Variants in CLVS1 observed in about 807,000 individuals in gnomAD.
CLVS1 encodes the protein clavesin-1.
CLVS1 carries 10 observed loss-of-function variants against 33.1 expected under a neutral mutation model. The observed-to-expected ratio is 0.30, with a 90% CI of 0.19 to 0.51. CLVS1 has a LOEUF of 0.51. CLVS1 is among the 20% of genes least tolerant of loss of function. CLVS1 has a pLI of 0.97. For missense variants in CLVS1, 343 were observed against 433.4 expected (o/e 0.79, Z 1.85); for synonymous variants, 163 against 166.1 (o/e 0.98, Z 0.14).
the CLVS1 span, among the ~76,000 whole-genome samples, chr8:61,040,346 T>C: frequency 6.6e-6 from 1 of 152,250 alleles, no homozygotes; most frequent in African/African-American, 2.4e-5. Flanking sequence ...TTTGGGCATA[T>C]ACCCAGTAAT....
intron 3 of CLVS1, among the ~76,000 whole-genome samples, chr8:61,401,638 C>A (rs1585918761): frequency 6.6e-6 from 1 of 152,132 alleles, no homozygotes; most frequent in Non-Finnish European, 1.5e-5. Context: ...CTGCCCAAGG[C>A]AATTTATAGA....
chr8:61,216,463 A>G (rs1371563181), intron 2 of CLVS1, among the ~76,000 whole-genome samples: 2 of 152,192 alleles, frequency 1.3e-5, no homozygotes, highest in Non-Finnish European at 2.9e-5. Flanking sequence ...TTCCTCAGAA[A>G]GATGAAGATG....
chr8:61,050,531 C>T, the CLVS1 span, among the ~76,000 whole-genome samples: 1 of 152,232 alleles, frequency 6.6e-6, no homozygotes, highest in African/African-American at 2.4e-5. Context: ...GGAAGAAAGC[C>T]CTGGCTCTTG....
intron 2 of CLVS1, among the ~76,000 whole-genome samples, chr8:61,247,645 T>G (rs930853728): frequency 3.3e-5 from 5 of 152,214 alleles, no homozygotes; most frequent in Non-Finnish European, 7.3e-5. Flanking sequence ...TTAATAGGGT[T>G]GTTTTCTCTT....
At chr8:61,491,898 T>C (rs1804100851) in intron 5 of CLVS1, among the ~76,000 whole-genome samples, 1 of 152,210 alleles carries the variant, frequency 6.6e-6, no homozygotes, top group Non-Finnish European at 1.5e-5. Flanking sequence ...AAAGTTTCTT[T>C]CCAGTTAGAA....
intron 2 of CLVS1, among the ~76,000 whole-genome samples, chr8:61,257,613 T>C (rs571159592): frequency 6.6e-6 from 1 of 152,248 alleles, no homozygotes; most frequent in East Asian, 1.9e-4. Flanking sequence ...TACAGTGGGC[T>C]TACTGAGTAT....
intron 1 of CLVS1, among the ~76,000 whole-genome samples, chr8:61,129,766 G>A (rs1806053355): frequency 6.6e-6 from 1 of 152,098 alleles, no homozygotes; most frequent in South Asian, 2.1e-4. Flanking sequence ...CCTTTTAATG[G>A]CCCCATCTCT....
At chr8:61,115,108 A>T (rs1487308170) in intron 1 of CLVS1, among the ~76,000 whole-genome samples, 1 of 152,206 alleles carries the variant, frequency 6.6e-6, no homozygotes, top group Non-Finnish European at 1.5e-5. Context: ...ATAGTGTTCA[A>T]GGGCAAAAAT....
chr8:61,159,696 G>T (rs746027539), intron 2 of CLVS1, among the ~76,000 whole-genome samples: 6 of 152,192 alleles, frequency 3.9e-5, no homozygotes, highest in Non-Finnish European at 5.9e-5. Context: ...TCAAGTCATG[G>T]ACCTAAATCA....
intron 2 of CLVS1, among the ~76,000 whole-genome samples, chr8:61,234,733 C>T (rs1237247159): frequency 6.6e-6 from 1 of 152,158 alleles, no homozygotes; most frequent in African/African-American, 2.4e-5. Context: ...TTGAAGTTAA[C>T]CACTATCCTT....
intron 1 of CLVS1, among the ~76,000 whole-genome samples, chr8:61,111,653 T>C (rs1362125721): frequency 6.6e-6 from 1 of 152,190 alleles, no homozygotes; most frequent in African/African-American, 2.4e-5. Context: ...TCTGGTCTTC[T>C]GTTCTGTAAA....
chr8:61,326,302 T>G (rs1015407066), intron 2 of CLVS1, among the ~76,000 whole-genome samples: 1 of 152,218 alleles, frequency 6.6e-6, no homozygotes, highest in Non-Finnish European at 1.5e-5. Context: ...GAGTGCCTGG[T>G]TCTTTCCTGA....
intron 3 of CLVS1, among the ~76,000 whole-genome samples, chr8:61,433,144 G>C (rs1379499967): frequency 6.6e-6 from 1 of 152,204 alleles, no homozygotes; most frequent in Non-Finnish European, 1.5e-5. Context: ...TGTAGAGAAG[G>C]TGTTTCACCA....
chr8:61,457,762 AAAAC>A (rs1016209143), intron 4 of CLVS1, among the ~76,000 whole-genome samples: 3 of 152,180 alleles, frequency 2.0e-5, no homozygotes, highest in East Asian at 1.9e-4. Flanking sequence ...ACATATCAGA[AAAAC>A]AAACAAACAA....
chr8:61,405,281 A>C (rs1814942106), intron 3 of CLVS1, among the ~76,000 whole-genome samples: 1 of 152,222 alleles, frequency 6.6e-6, no homozygotes, highest in Non-Finnish European at 1.5e-5. Flanking sequence ...CATCTGCCAC[A>C]AACCCAAGTC....
chr8:61,249,527 A>C (rs936245219), intron 2 of CLVS1, among the ~76,000 whole-genome samples: 3 of 152,208 alleles, frequency 2.0e-5, no homozygotes, highest in Non-Finnish European at 4.4e-5. Context: ...ACTAATTTAC[A>C]CTCCCACCAA....
At chr8:61,351,644 C>G (rs1309046632) in intron 2 of CLVS1, among the ~76,000 whole-genome samples, 1 of 151,956 alleles carries the variant, frequency 6.6e-6, no homozygotes, top group Non-Finnish European at 1.5e-5. Context: ...CATAATCACA[C>G]ACTTATAAAC....
rs542680496 is a variant in CLVS1, at chr8:61,473,924, G to A, written c.977+15382G>A. 1.3e-3 allele frequency among the ~76,000 whole-genome samples: 197 copies of A among 152,284 alleles called. 1 individual carries two copies. Among genetic ancestry groups the A allele is most frequent in the Non-Finnish European group, 2.5e-3 (170 of 68,026 alleles). Reference sequence around the variant, plus strand: ...AATGAGAGGGCTTGTGTGGTATCTGGTTAGAGTAGTCATGTAGGCTGTTTA... The same window carrying A: ...AATGAGAGGGCTTGTGTGGTATCTGATTAGAGTAGTCATGTAGGCTGTTTA... On this transcript the variant is annotated intron_variant, in intron 5 of 5. Coordinates refer to ENST00000325897, the MANE Select transcript of CLVS1 (RefSeq NM_173519.3).
rs907975622 is a variant in CLVS1, at chr8:61,256,243, G to A, written c.-151-43434G>A. Among the ~76,000 whole-genome samples, 7 of 152,278 alleles carry A rather than the reference G, an allele frequency of 4.6e-5. No homozygotes were observed. In the East Asian group the frequency reaches 5.8e-4, roughly 13 times the overall value. On this transcript the variant is annotated intron_variant, in intron 2 of 2. Transcript: ENST00000522621. ...TTAAAATATTATTTTAGCCAGGCGC[G>A]GTGGCTCACGCCTGTAATCCCAGCA...
Sources: allele counts gnomAD v4.1 joint callset (sites outside exome capture counted in the v4.1 genomes callset), GRCh38; gene constraint gnomAD v4.1.1; transcripts MANE v1.5; gene names NCBI Gene and HGNC (gene_info 2026-07-23, HGNC 2026-07-21).